The following TET2 variants were observed in gnomAD, a reference collection of about 807,000 sequenced individuals.
TET2 encodes methylcytosine dioxygenase TET2.
Under a neutral mutation model 142.9 loss-of-function variants are expected in TET2, and 299 were observed. The ratio of observed to expected loss-of-function variants is 2.09; its 90% CI spans 1.90 to 2.30. TET2 has a LOEUF of 2.30. Ranked by LOEUF, TET2 falls within the 30% of genes most tolerant of loss-of-function variation. The pLI is 0.00. For missense variants in TET2, 2,418 were observed against 2,378.0 expected, an observed-to-expected ratio of 1.02 and a Z score of -0.35; for synonymous variants, 819 against 849.0, an observed-to-expected ratio of 0.96 and a Z score of 0.61.
intron 1 of TET2, among the ~76,000 whole-genome samples, chr4:105,189,724 T>A (rs978224340): frequency 2.6e-5 from 4 of 152,226 alleles, no homozygotes; most frequent in Non-Finnish European, 4.4e-5. Flanking sequence ...GTAGGTATCT[T>A]ATTAGGTGGT....
chr4:105,261,358 T>G (rs1730417200), intron 7 of TET2, among the ~76,000 whole-genome samples: 1 of 152,082 alleles, frequency 6.6e-6, no homozygotes, highest in Admixed American at 6.6e-5. Flanking sequence ...AAATACTATC[T>G]TTATAAACAT....
chr4:105,212,533 A>C (rs1727231710), intron 2 of TET2, among the ~76,000 whole-genome samples: 1 of 152,158 alleles, frequency 6.6e-6, no homozygotes, highest in Admixed American at 6.5e-5. Flanking sequence ...CTAGAGTAAA[A>C]TCATTTATGC....
In TET2 at chr4:105,235,601, G is replaced by GC. The variant is rs768317177; in HGVS notation, c.1664dup (p.Thr556AsnfsTer11). On this transcript the variant is annotated frameshift_variant, in exon 3 of 11. Coordinates refer to ENST00000380013, the MANE Select transcript of TET2 (RefSeq NM_001127208.3). LOFTEE classifies it high-confidence loss of function. Reference sequence around the variant, plus strand: ...ACAAGGAGCAAACACGAGATCTTGTGCCCCCAACACAGCACTATCTGAAAC... The same window carrying GC: ...ACAAGGAGCAAACACGAGATCTTGTGCCCCCCAACACAGCACTATCTGAAAC... 3 of 1,614,146 alleles carry GC rather than the reference G, an allele frequency of 1.9e-6. No individual in the cohort carries two copies. The highest frequency in any genetic ancestry group is 2.5e-6 in the Non-Finnish European group (3 of 1,180,002).
intron 1 of TET2, among the ~76,000 whole-genome samples, chr4:105,157,668 T>A (rs1167910118): frequency 1.3e-5 from 2 of 152,044 alleles, no homozygotes; most frequent in African/African-American, 4.8e-5. Flanking sequence ...GAACTAAAAA[T>A]TTTTATTTAT....
At chr4:105,257,181 C>T (rs540483204) in intron 6 of TET2, among the ~76,000 whole-genome samples, 4 of 152,236 alleles carry the variant, frequency 2.6e-5, no homozygotes, top group African/African-American at 4.8e-5. Context: ...TGCCTGTAAT[C>T]CCAGCACGTT....
At chr4:105,205,548 A>G (rs1424793437) in intron 2 of TET2, among the ~76,000 whole-genome samples, 1 of 152,178 alleles carries the variant, frequency 6.6e-6, no homozygotes, top group African/African-American at 2.4e-5. Context: ...TTGTTCTCCT[A>G]TTCACACATT....
chr4:105,238,572 T>C (rs2110241474), intron 3 of TET2: 1 of 244,048 alleles, frequency 4.1e-6, no homozygotes, highest in East Asian at 6.2e-5. Context: ...TGTTCATCCA[T>C]AAGAAGCAAC....
At chr4:105,155,577 C>T (rs182293648) in intron 1 of TET2, among the ~76,000 whole-genome samples, 2 of 152,260 alleles carry the variant, frequency 1.3e-5, no homozygotes, top group Admixed American at 6.5e-5. Context: ...AATTTCTAAC[C>T]TTATGTAATT....
At position 105,275,225 on chromosome 4, in the gene TET2, G is replaced by T; in HGVS notation, c.4715G>T (p.Arg1572Leu). The change falls in exon 11 of 11, where the codon CGG becomes CTG. Residue 1572 changes from arginine to leucine, a missense_variant. Transcript: ENST00000380013. The part of the protein sequence containing the change: ...ASGSTNPYMR[R>L]PNPVSPYPNS... ...GGATCCACCAATCCATACATGAGAC[G>T]GCCCAATCCAGTTAGTCCTTATCCA... The T allele has an allele frequency of 2.6e-6, 4 of 1,552,144 alleles. No individual in the cohort carries two copies. The highest frequency in any genetic ancestry group is 3.5e-6 in the Non-Finnish European group (4 of 1,147,082).
chr4:105,157,079 G>A (rs769426385), intron 1 of TET2, among the ~76,000 whole-genome samples: 9 of 151,926 alleles, frequency 5.9e-5, no homozygotes, highest in Non-Finnish European at 1.2e-4. Context: ...TTGTTCTACT[G>A]TGCACTCTCC....
At chr4:105,151,944 A>G (rs1201097538) in intron 1 of TET2, among the ~76,000 whole-genome samples, 1 of 151,996 alleles carries the variant, frequency 6.6e-6, no homozygotes, top group Non-Finnish European at 1.5e-5. Flanking sequence ...GCATGGTGGC[A>G]CACACCAGTA....
chr4:105,249,050 CAG>C (rs775256114), intron 6 of TET2, among the ~76,000 whole-genome samples: 104 of 142,022 alleles, frequency 7.3e-4, no homozygotes, highest in Non-Finnish European at 1.8e-4. Context: ...TTTTTTGAGA[CAG>C]AGTCTCGCTC....
rs1730859969 is a variant in TET2 at position 105,269,708 on chromosome 4, CCA to C, written c.4146_4147del (p.His1382GlnfsTer18). On this transcript the variant is annotated frameshift_variant, in exon 9 of 11. Transcript: ENST00000380013. LOFTEE classifies it high-confidence loss of function. The stretch of plus-strand genomic sequence containing the variant: ...CATGTTTGGACTTCTGTGCTCATGC[CCA>C]CAGAGACTTGCACAACATGCAGAAT... ...TACLDFCAHA[H>X]RDLHNMQNGS... 1 of 1,551,438 alleles carries C rather than the reference CCA, an allele frequency of 6.4e-7. No homozygotes were observed. The highest frequency in any genetic ancestry group is 8.7e-7 in the Non-Finnish European group (1 of 1,146,940).
At chr4:105,197,145 T>C (rs971688089) in intron 2 of TET2, among the ~76,000 whole-genome samples, 1 of 152,226 alleles carries the variant, frequency 6.6e-6, no homozygotes, top group African/African-American at 2.4e-5. Flanking sequence ...TAAAGTATCC[T>C]ATCAAAATTA....
chr4:105,220,228 A>G (rs2110580185), intron 2 of TET2, among the ~76,000 whole-genome samples: 1 of 152,258 alleles, frequency 6.6e-6, no homozygotes, highest in Non-Finnish European at 1.5e-5. Flanking sequence ...GCCTTATGTA[A>G]TGGTTCTATT....
chr4:105,269,638 GC>G lies in TET2; in HGVS notation c.4075del (p.Arg1359ValfsTer4), dbSNP rs1560569351. The part of the protein sequence containing the change: ...QIEYEHRAPE[C>X]RLGLKEGRPF... ...GAATATGAACACAGAGCACCAGAGT[GC>G]CGTCTGGGTCTGAAGGAAGGCCGTC... On this transcript the variant is annotated frameshift_variant, in exon 9 of 11. Transcript: ENST00000380013. LOFTEE classifies it high-confidence loss of function. 1 of 1,551,570 alleles carries G rather than the reference GC, an allele frequency of 6.4e-7. No individual in the cohort carries two copies. Among genetic ancestry groups the G allele is most frequent in the East Asian group, 2.4e-5 (1 of 40,918 alleles).
intron 1 of TET2, 134 bp from the exon 2 acceptor site, chr4:105,190,226 A>C: frequency 2.2e-6 from 1 of 458,622 alleles, no homozygotes; most frequent in Middle Eastern, 3.8e-4. Flanking sequence ...AGATTCTCTA[A>C]GTTTTTTAAC....
chr4:105,276,845 C>CG lies in TET2; in HGVS notation c.*326_*327insG, dbSNP rs1731250661. 4 of 213,034 alleles carry CG rather than the reference C, an allele frequency of 1.9e-5. 1 individual carries two copies. Among genetic ancestry groups the CG allele is most frequent in the Non-Finnish European group, 3.7e-5 (4 of 107,742 alleles). 13.2% of individuals were successfully genotyped at this position (213,034 alleles called of 1,614,324 possible). Reference sequence around the variant, plus strand: ...GATGATATGTAAATGTGATCCCCCCCCCCCGCTTACAACTCTACACATCTG... The same window carrying CG: ...GATGATATGTAAATGTGATCCCCCCCGCCCCGCTTACAACTCTACACATCTG... On this transcript the variant is annotated 3_prime_UTR_variant, in exon 11 of 11. Coordinates refer to ENST00000380013, the MANE Select transcript of TET2 (RefSeq NM_001127208.3).
rs1364165363 is a variant in TET2 at position 105,277,221 on chromosome 4, C to T, written c.*702C>T. The T allele has an allele frequency of 1.3e-5, 3 of 228,386 alleles. No homozygotes were observed. The highest frequency in any genetic ancestry group is 6.7e-5 in the African/African-American group (3 of 45,100). The allele number at this position is 228,386 out of a possible 1,614,324, so 14.1% of individuals were successfully genotyped here. A position where few individuals can be genotyped will look rare whatever the true frequency, so the allele number is the denominator to read the frequency against. On this transcript the variant is annotated 3_prime_UTR_variant, in exon 11 of 11. Transcript: ENST00000380013. ...CCCTTGAATAATAGGGGTACCTTTT[C>T]ATTCAAGTTTTTATCATAATTACCT... is the stretch of plus-strand genomic sequence containing the variant.
Sources: allele counts gnomAD v4.1 joint callset (sites outside exome capture counted in the v4.1 genomes callset), GRCh38; gene constraint gnomAD v4.1.1; transcripts MANE v1.5; gene names NCBI Gene and HGNC (gene_info 2026-07-23, HGNC 2026-07-21).